The following BICC1 variants were observed in gnomAD, a reference collection of about 807,000 sequenced individuals.
BICC1 encodes the protein protein bicaudal C homolog 1.
In BICC1, 43 loss-of-function variants were observed where a neutral mutation model predicts 111.0. The observed-to-expected ratio is 0.39, with a 90% CI of 0.30 to 0.50. The LOEUF is 0.50. BICC1 is among the 20% of genes least tolerant of loss of function. The pLI is 0.88. For synonymous variants in BICC1, 467 were observed against 434.4 expected, an observed-to-expected ratio of 1.07 and a Z score of -0.93; for missense variants, 1,091 against 1,203.2, an observed-to-expected ratio of 0.91 and a Z score of 1.38.
At position 58,619,506 on chromosome 10, in the gene BICC1, T is replaced by TA. The variant is rs1299517760; in HGVS notation, c.191-1348dup. 2.7e-5 allele frequency among the ~76,000 whole-genome samples: 4 copies of TA among 148,314 alleles called. No homozygotes were observed. In the East Asian group the frequency reaches 8.1e-4, roughly 30 times the overall value. ...TTTTTTTTTTTTTTTGAGAGAGTCT[T>TA]ACTCTGTCGCCAGGCTGGAGTGCAG... On this transcript the variant is annotated intron_variant, in intron 1 of 20. Coordinates refer to ENST00000373886, the MANE Select transcript of BICC1 (RefSeq NM_001080512.3).
chr10:58,739,564 A>G (rs1187093262), intron 3 of BICC1, among the ~76,000 whole-genome samples: 2 of 151,462 alleles, frequency 1.3e-5, no homozygotes, highest in Non-Finnish European at 2.9e-5. Context: ...CTTTCCTTCC[A>G]GATCTAATTT....
chr10:58,745,612 C>G (rs1413198396), intron 3 of BICC1, among the ~76,000 whole-genome samples: 2 of 133,828 alleles, frequency 1.5e-5, no homozygotes, highest in Non-Finnish European at 3.2e-5. Flanking sequence ...GCCCCCCCCC[C>G]ACATTTTTTT....
At chr10:58,634,574 A>T (rs1047431921) in intron 2 of BICC1, among the ~76,000 whole-genome samples, 1 of 152,214 alleles carries the variant, frequency 6.6e-6, no homozygotes. Context: ...ACTGATGTGC[A>T]GTATGGGTAG....
intron 1 of BICC1, among the ~76,000 whole-genome samples, chr10:58,577,632 C>T (rs190847736): frequency 4.4e-4 from 67 of 152,252 alleles, no homozygotes; most frequent in African/African-American, 1.3e-3. Flanking sequence ...TGTTATTTAT[C>T]CAAAGGTTTT....
chr10:58,749,289 G>A lies in BICC1; in HGVS notation c.308-35712G>A, dbSNP rs369124172. On this transcript the variant is annotated intron_variant, in intron 3 of 20. Transcript: ENST00000373886. ...CTGAAGGTCATCTTCCTGAGTTCCT[G>A]TTGGGTTTCTGTTATGCTCTATTTA... Among the ~76,000 whole-genome samples, 8 of 152,190 alleles carry A rather than the reference G, an allele frequency of 5.3e-5. No individual in the cohort carries two copies. The South Asian group carries it at 1.7e-3, about 32-fold the overall frequency.
intron 1 of BICC1, among the ~76,000 whole-genome samples, chr10:58,529,114 A>T (rs1258560518): frequency 6.6e-6 from 1 of 151,942 alleles, no homozygotes; most frequent in Non-Finnish European, 1.5e-5. Flanking sequence ...TACAGTGTAA[A>T]TCATAGTTGA....
chr10:58,820,510 C>T (rs773277240), intron 20 of BICC1, 42 bp downstream of exon 20: 3 of 1,405,512 alleles, frequency 2.1e-6, no homozygotes. Context: ...ATCTGAATAA[C>T]CTCTGCCAGT....
chr10:58,578,298 C>T (rs966375546), intron 1 of BICC1, among the ~76,000 whole-genome samples: 1 of 151,850 alleles, frequency 6.6e-6, no homozygotes, highest in Non-Finnish European at 1.5e-5. Context: ...ATTTTTTGTT[C>T]CTGAGACTTT....
intron 7 of BICC1, 62 bp from the exon 8 acceptor site, chr10:58,789,620 T>C (rs1843114931): frequency 6.3e-7 from 1 of 1,581,514 alleles, no homozygotes. Flanking sequence ...TGCAATAGAA[T>C]CTTTCCCCGT....
chr10:58,724,966 C>G (rs983919860), intron 3 of BICC1, among the ~76,000 whole-genome samples: 3 of 152,160 alleles, frequency 2.0e-5, no homozygotes, highest in African/African-American at 7.2e-5. Flanking sequence ...CCCAGTGTCT[C>G]ATTTGAGGTT....
At chr10:58,768,609 G>A (rs1428570011) in intron 3 of BICC1, among the ~76,000 whole-genome samples, 1 of 152,036 alleles carries the variant, frequency 6.6e-6, no homozygotes, top group East Asian at 1.9e-4. Context: ...TAGTATAAAT[G>A]TTAAAAGACA....
chr10:58,811,917 G>T (rs1243939950), intron 17 of BICC1, among the ~76,000 whole-genome samples: 1 of 152,176 alleles, frequency 6.6e-6, no homozygotes, highest in East Asian at 1.9e-4. Context: ...GTGAGTTCCT[G>T]AAGCCGAGGT....
intron 2 of BICC1, among the ~76,000 whole-genome samples, chr10:58,656,868 C>T (rs1316315887): frequency 6.6e-6 from 1 of 152,166 alleles, no homozygotes; most frequent in African/African-American, 2.4e-5. Context: ...TTCAGTAAAT[C>T]ACAGATGGTT....
chr10:58,817,655 C>T lies in BICC1; in HGVS notation c.2627C>T (p.Ser876Phe). 2 of 1,613,534 alleles carry T rather than the reference C, an allele frequency of 1.2e-6. No homozygotes were observed. The highest frequency in any genetic ancestry group is 1.7e-6 in the Non-Finnish European group (2 of 1,179,640). ...GCNLNSSFKG[S>F]DLPELFSKLG... ...AACTTAAATAGCTCTTTCAAAGGTT[C>T]TGACCTCCCTGAGCTCTTCAGCAAA... Residue 876 changes from serine (S) to phenylalanine (F), a missense_variant, in exon 19 of 21, where the codon TCT becomes TTT. Ser to Phe is a radical substitution (Grantham distance 155). Around this residue, in one of 3 missense-constraint regions of BICC1, gnomAD observed 231 missense variants for 256.2 expected, o/e 0.90. Transcript: ENST00000373886.
chr10:58,751,655 C>G (rs541139672), intron 3 of BICC1, among the ~76,000 whole-genome samples: 47 of 152,160 alleles, frequency 3.1e-4, no homozygotes, highest in African/African-American at 1.1e-3. Context: ...TGTTATAGCC[C>G]AAAATATAAC....
At chr10:58,599,099 T>TAGAA (rs1844935663) in intron 1 of BICC1, among the ~76,000 whole-genome samples, 1 of 152,188 alleles carries the variant, frequency 6.6e-6, no homozygotes, top group Non-Finnish European at 1.5e-5. Flanking sequence ...TAGCAATTCC[T>TAGAA]CAAGGATATA....
chr10:58,669,027 T>C (rs1418505161), intron 2 of BICC1, among the ~76,000 whole-genome samples: 8 of 152,136 alleles, frequency 5.3e-5, no homozygotes, highest in Non-Finnish European at 1.0e-4. Context: ...TAAGAGAAAC[T>C]AATATCTAAG....
chr10:58,514,750 TATAAG>T (rs1190712329), intron 1 of BICC1, among the ~76,000 whole-genome samples: 1 of 152,232 alleles, frequency 6.6e-6, no homozygotes, highest in Admixed American at 6.5e-5. Context: ...GTAAGACCGT[TATAAG>T]ATAGATTTGG....
chr10:58,810,551 T>C (rs1216868070), intron 17 of BICC1, among the ~76,000 whole-genome samples: 3 of 152,034 alleles, frequency 2.0e-5, no homozygotes, highest in African/African-American at 7.2e-5. Context: ...TTCTTTGAAA[T>C]GTAAGAAAGG....
Sources: allele counts gnomAD v4.1 joint callset (sites outside exome capture counted in the v4.1 genomes callset), GRCh38; gene constraint gnomAD v4.1.1; regional missense constraint gnomAD v4.1.1; transcripts MANE v1.5; gene names NCBI Gene and HGNC (gene_info 2026-07-23, HGNC 2026-07-21).